SYDE2: variants seen among roughly 807,000 people sequenced by gnomAD.
SYDE2 encodes the protein rho GTPase-activating protein SYDE2.
SYDE2 carries 76 observed loss-of-function variants against 91.5 expected under a neutral mutation model. That is an observed-to-expected ratio of 0.83 (90% confidence interval 0.69 to 1.01). SYDE2 has a LOEUF of 1.01. SYDE2 is among the 50% of genes least tolerant of loss of function. The pLI, the probability that SYDE2 is intolerant of heterozygous loss-of-function variation, is 0.00. For synonymous variants in SYDE2, 513 were observed against 506.4 expected (o/e 1.01, Z -0.18); for missense variants, 1,364 against 1,367.7 (o/e 1.00, Z 0.04).
intron 4 of SYDE2, among the ~76,000 whole-genome samples, chr1:85,175,522 T>C (rs1657664767): frequency 6.6e-6 from 1 of 152,140 alleles, no homozygotes; most frequent in African/African-American, 2.4e-5. Context: ...GAATGGATTT[T>C]ATACCTAAAA....
At position 85,164,409 on chromosome 1, in the gene SYDE2, T is replaced by C. The variant is rs1413233894; in HGVS notation, c.3085+117A>G. 4.1e-6 allele frequency: 3 copies of C among 725,106 alleles called. No individual in the cohort carries two copies. In the Admixed American group the frequency reaches 1.1e-4, roughly 28 times the overall value. 44.9% of individuals were successfully genotyped at this position (725,106 alleles called of 1,614,324 possible). ...AAAGGGCAGGTATCAATTCACAACATTTTGAAAAAGCAAAATCTAGAAGAG... is the reference window on the plus strand; with the variant it reads ...AAAGGGCAGGTATCAATTCACAACACTTTGAAAAAGCAAAATCTAGAAGAG... On this transcript the variant is annotated intron_variant, in intron 6 of 6. Transcript: ENST00000341460.
intron 3 of SYDE2, among the ~76,000 whole-genome samples, chr1:85,179,683 G>A (rs946133840): frequency 2.6e-5 from 4 of 152,244 alleles, no homozygotes; most frequent in African/African-American, 9.6e-5. Flanking sequence ...TAGAAATGTA[G>A]ACAGTTCAGA....
downstream of SYDE2, among the ~76,000 whole-genome samples, chr1:85,156,020 A>G (rs1334972860): frequency 1.3e-5 from 2 of 151,352 alleles, no homozygotes; most frequent in African/African-American, 4.8e-5. Context: ...CTAAAAACAT[A>G]ACAAAAATGG....
chr1:85,188,233 A>C (rs917984602), intron 2 of SYDE2, among the ~76,000 whole-genome samples: 3 of 152,166 alleles, frequency 2.0e-5, no homozygotes, highest in Admixed American at 6.5e-5. Flanking sequence ...TATAGTATTT[A>C]TTTCTTTCCC....
At chr1:85,178,649 C>T (rs1336321404) in intron 3 of SYDE2, among the ~76,000 whole-genome samples, 3 of 152,120 alleles carry the variant, frequency 2.0e-5, no homozygotes, top group Admixed American at 2.0e-4. Context: ...GTTTTGGAGT[C>T]ATAAAGCCCC....
At chr1:85,176,003 C>T (rs540477748) in intron 4 of SYDE2, among the ~76,000 whole-genome samples, 1 of 152,264 alleles carries the variant, frequency 6.6e-6, no homozygotes, top group Non-Finnish European at 1.5e-5. Flanking sequence ...TATTCATTGA[C>T]CTATTGTTCA....
chr1:85,175,570 A>C (rs1315504644), intron 4 of SYDE2, among the ~76,000 whole-genome samples: 2 of 152,244 alleles, frequency 1.3e-5, no homozygotes, highest in African/African-American at 2.4e-5. Context: ...GTTCGTCTGG[A>C]GTATTTCATT....
chr1:85,177,933 C>T (rs1657765541), intron 4 of SYDE2, among the ~76,000 whole-genome samples: 1 of 152,154 alleles, frequency 6.6e-6, no homozygotes, highest in Admixed American at 6.5e-5. Context: ...TAAAGTAGGT[C>T]TTACTTCCCT....
chr1:85,162,004 C>G (rs1368969590), intron 6 of SYDE2, among the ~76,000 whole-genome samples: 1 of 152,102 alleles, frequency 6.6e-6, no homozygotes, highest in Non-Finnish European at 1.5e-5. Context: ...TCCAAAGAAC[C>G]CTAGAGCTTA....
rs746523302 is a variant in SYDE2 at position 85,164,711 on chromosome 1, T to G, written c.2900A>C (p.Tyr967Ser). Residue 967 changes from tyrosine (Y) to serine (S), a missense_variant, in exon 6 of 7, where the codon TAT (tyrosine) becomes TCT (serine). Physicochemically the swap from Tyr to Ser is moderately radical, Grantham distance 144 (BLOSUM62 -2). Coordinates refer to ENST00000341460, the MANE Select transcript of SYDE2 (RefSeq NM_032184.2). Reference protein sequence around the residue: ...LLDHLKLVASYHEVNKMTCQN... With the variant: ...LLDHLKLVASSHEVNKMTCQN... ...GCACGTCATCTTATTCACTTCATGA[T>G]AGGAAGCCACCAATTTCAAATGATC... 2.7e-6 allele frequency: 4 copies of G among 1,477,610 alleles called. No homozygotes were observed. The highest frequency in any genetic ancestry group is 3.6e-6 in the Non-Finnish European group (4 of 1,114,290). The allele number at this position is 1,477,610 out of a possible 1,614,324, so 91.5% of individuals were successfully genotyped here.
At chr1:85,190,854 G>A (rs548180959) in intron 1 of SYDE2, 102 bp from the exon 2 acceptor site, 2 of 863,966 alleles carry the variant, frequency 2.3e-6, no homozygotes, top group East Asian at 2.6e-5. Context: ...TAAACAAAAA[G>A]TAACAACAAT....
chr1:85,169,346 G>T, intron 4 of SYDE2, 121 bp from the exon 5 acceptor site: 1 of 645,030 alleles, frequency 1.6e-6, no homozygotes, highest in Non-Finnish European at 2.6e-6. Flanking sequence ...AACAATAAAG[G>T]CAACAACATA....
At position 85,164,507 on chromosome 1, in the gene SYDE2, T is replaced by C. The variant is rs1337944940; in HGVS notation, c.3085+19A>G. On this transcript the variant is annotated intron_variant, in intron 6 of 6. Coordinates refer to ENST00000341460, the MANE Select transcript of SYDE2 (RefSeq NM_032184.2). The stretch of plus-strand genomic sequence containing the variant: ...ACCCTATCATTGAAAGTGAAAAACA[T>C]TTCCATAGAATCATTTACCTGGCCA... 4 of 1,480,444 alleles carry C rather than the reference T, an allele frequency of 2.7e-6. No homozygotes were observed. The highest frequency in any genetic ancestry group is 2.4e-5 in the East Asian group (1 of 42,044). The allele number at this position is 1,480,444 out of a possible 1,614,324, so 91.7% of individuals were successfully genotyped here. A position where few individuals can be genotyped will look rare whatever the true frequency, so the allele number is the denominator to read the frequency against.
chr1:85,164,671 C>G lies in SYDE2; in HGVS notation c.2940G>C (p.Val980=). The change falls in exon 6 of 7, where the codon GTG becomes GTC. Residue 980 remains valine (V), a synonymous_variant. Coordinates refer to ENST00000341460, the MANE Select transcript of SYDE2 (RefSeq NM_032184.2). ...VNKMTCQNLA[V]CFGPVLLSQR... is the part of the protein sequence containing the mutation. ...GACTTAATAATACTGGTCCAAAGCA[C>G]ACAGCCAAATTCTGGCACGTCATCT... The G allele has an allele frequency of 6.4e-7, 1 of 1,558,124 alleles. No individual in the cohort carries two copies. Among genetic ancestry groups the G allele is most frequent in the Non-Finnish European group, 8.7e-7 (1 of 1,152,154 alleles).
chr1:85,188,798 A>G (rs1216754924), intron 2 of SYDE2, among the ~76,000 whole-genome samples: 1 of 152,236 alleles, frequency 6.6e-6, no homozygotes. Flanking sequence ...CTTCAGAGAA[A>G]GTCCTTAAGC....
At position 85,182,157 on chromosome 1, in the gene SYDE2, G is replaced by A; in HGVS notation, c.2485C>T (p.Leu829=). The A allele has an allele frequency of 6.2e-7, 1 of 1,604,980 alleles. No homozygotes were observed. Among genetic ancestry groups the A allele is most frequent in the Non-Finnish European group, 8.5e-7 (1 of 1,175,278 alleles). Reference sequence around the variant, plus strand: ...TTCTGTATCAGAAGGGGCACCATCAGTCCTATATTTTCTTTCTCTACAACT... The same window carrying A: ...TTCTGTATCAGAAGGGGCACCATCAATCCTATATTTTCTTTCTCTACAACT... The part of the protein sequence containing the change: ...QKVVEKENIG[L]MVPLLIQKCI... The change falls in exon 3 of 7, where the codon CTG becomes TTG. Residue 829 remains leucine (L), a synonymous_variant. Coordinates refer to ENST00000341460, the MANE Select transcript of SYDE2 (RefSeq NM_032184.2).
chr1:85,160,724 C>T (rs1657027002), intron 6 of SYDE2: 1 of 985,180 alleles, frequency 1.0e-6, no homozygotes, highest in Non-Finnish European at 1.2e-6. Flanking sequence ...TTGTTTTCAC[C>T]AACCAATTAC....
At chr1:85,166,811 C>T (rs1028692706) in intron 5 of SYDE2, among the ~76,000 whole-genome samples, 16 of 152,078 alleles carry the variant, frequency 1.1e-4, no homozygotes, top group African/African-American at 2.9e-4. Context: ...CAACACACTA[C>T]ACCTGGTTAA....
At chr1:85,166,542 G>A (rs1288263714) in intron 5 of SYDE2, among the ~76,000 whole-genome samples, 2 of 152,106 alleles carry the variant, frequency 1.3e-5, no homozygotes, top group African/African-American at 4.8e-5. Flanking sequence ...AGATTACAAT[G>A]TGCTGAGTAG....
Sources: gnomAD v4.1 joint callset for allele counts (sites outside exome capture counted in the v4.1 genomes callset) on GRCh38, gnomAD v4.1.1 for gene constraint, MANE v1.5 for transcripts, NCBI Gene and HGNC (gene_info 2026-07-23, HGNC 2026-07-21) for gene names.